The following CDH18 variants were observed in gnomAD, a reference collection of about 807,000 sequenced individuals.
CDH18 encodes the protein cadherin 18.
Under a neutral mutation model 67.9 loss-of-function variants are expected in CDH18, and 31 were observed. The ratio of observed to expected loss-of-function variants is 0.46; its 90% CI spans 0.34 to 0.62. The LOEUF (loss-of-function observed/expected upper bound fraction) is 0.62, where lower values mean the gene tolerates loss of function less well. Among genes scored for constraint, CDH18 ranks in the 20% least tolerant of loss-of-function variants. CDH18 has a pLI of 0.01. For missense variants in CDH18, 890 were observed against 975.5 expected, an observed-to-expected ratio of 0.91 and a Z score of 1.17; for synonymous variants, 362 against 347.2, an observed-to-expected ratio of 1.04 and a Z score of -0.48.
intron 1 of CDH18, among the ~76,000 whole-genome samples, chr5:20,473,384 G>A (rs1752222823): frequency 6.6e-6 from 1 of 151,902 alleles, no homozygotes; most frequent in South Asian, 2.1e-4. Context: ...TTTGTGACAG[G>A]ACTTTTATAC....
At chr5:19,825,941 A>G (rs1369545617) in intron 3 of CDH18, among the ~76,000 whole-genome samples, 1 of 152,202 alleles carries the variant, frequency 6.6e-6, no homozygotes, top group Non-Finnish European at 1.5e-5. Context: ...AAGATCATCA[A>G]TGTTCAGGAG....
At chr5:19,624,466 G>T (rs1478368169) in intron 5 of CDH18, among the ~76,000 whole-genome samples, 3 of 152,122 alleles carry the variant, frequency 2.0e-5, no homozygotes, top group African/African-American at 7.2e-5. Flanking sequence ...CAGCACTGAA[G>T]TAAACACATA....
intron 1 of CDH18, among the ~76,000 whole-genome samples, chr5:20,273,029 ATAATCAT>A (rs1392668492): frequency 2.0e-5 from 3 of 152,100 alleles, no homozygotes; most frequent in Non-Finnish European, 2.9e-5. Flanking sequence ...CTATATGCTG[ATAATCAT>A]TTAGGATTGT....
At chr5:20,475,703 T>A (rs935138604) in intron 1 of CDH18, among the ~76,000 whole-genome samples, 19 of 152,224 alleles carry the variant, frequency 1.2e-4, no homozygotes, top group Non-Finnish European at 2.1e-4. Flanking sequence ...ACAATTCTTA[T>A]TGGTTTTCAT....
intron 1 of CDH18, among the ~76,000 whole-genome samples, chr5:20,532,475 ATAT>A (rs574647838): frequency 2.6e-5 from 4 of 151,990 alleles, no homozygotes; most frequent in Non-Finnish European, 5.9e-5. Flanking sequence ...GTGTTTTCCT[ATAT>A]TATACTATTT....
intron 5 of CDH18, among the ~76,000 whole-genome samples, chr5:19,626,088 A>G (rs1751492879): frequency 6.6e-6 from 1 of 152,146 alleles, no homozygotes; most frequent in Non-Finnish European, 1.5e-5. Context: ...TAAAACCCAT[A>G]ACTCCAAAGA....
chr5:19,657,414 C>T (rs1214730139), intron 5 of CDH18, among the ~76,000 whole-genome samples: 2 of 151,922 alleles, frequency 1.3e-5, no homozygotes, highest in South Asian at 2.1e-4. Context: ...GTAGAACCAA[C>T]GACTTCAAAT....
At chr5:20,481,507 A>C (rs1233627531) in intron 1 of CDH18, among the ~76,000 whole-genome samples, 1 of 152,148 alleles carries the variant, frequency 6.6e-6, no homozygotes, top group African/African-American at 2.4e-5. Context: ...ACAGCAACAG[A>C]ATACACATAT....
At chr5:20,349,437 T>C (rs1740981301) in intron 1 of CDH18, among the ~76,000 whole-genome samples, 1 of 152,172 alleles carries the variant, frequency 6.6e-6, no homozygotes, top group Non-Finnish European at 1.5e-5. Flanking sequence ...CGCTGGTTTA[T>C]TTTTGAAATT....
chr5:20,172,602 A>C (rs1417712144), intron 2 of CDH18, among the ~76,000 whole-genome samples: 1 of 151,964 alleles, frequency 6.6e-6, no homozygotes, highest in Non-Finnish European at 1.5e-5. Context: ...TTATCTAAAA[A>C]AAAATATTGA....
intron 2 of CDH18, among the ~76,000 whole-genome samples, chr5:20,251,621 A>C (rs554610230): frequency 6.6e-6 from 1 of 152,320 alleles, no homozygotes; most frequent in South Asian, 2.1e-4. Flanking sequence ...TTTGAGGAGC[A>C]TTGAAGAAAC....
At chr5:20,185,043 T>G (rs1287391603) in intron 2 of CDH18, among the ~76,000 whole-genome samples, 2 of 152,080 alleles carry the variant, frequency 1.3e-5, no homozygotes, top group African/African-American at 4.8e-5. Context: ...TTTGCTATAT[T>G]TCCGTCTCAG....
intron 8 of CDH18, among the ~76,000 whole-genome samples, chr5:19,561,731 A>G (rs1407452815): frequency 6.6e-6 from 1 of 152,124 alleles, no homozygotes; most frequent in Non-Finnish European, 1.5e-5. Context: ...GGCCTAGGGG[A>G]AAAAATCATT....
At position 20,218,410 on chromosome 5, in the gene CDH18, G is replaced by A. The variant is rs1588233; in HGVS notation, c.-518+37034C>T. Reference sequence around the variant, plus strand: ...CATGGAAATTAAACAATATACTCCTGAATGACCAGTGGGTAAATGAAGAGA... The same window carrying A: ...CATGGAAATTAAACAATATACTCCTAAATGACCAGTGGGTAAATGAAGAGA... On this transcript the variant is annotated intron_variant, in intron 2 of 14. Transcript: ENST00000507958. 5.2e-3 allele frequency among the ~76,000 whole-genome samples: 793 copies of A among 152,076 alleles called. 9 individuals are homozygous for A. The highest frequency in any genetic ancestry group is 0.018 in the African/African-American group (755 of 41,506).
intron 8 of CDH18, among the ~76,000 whole-genome samples, chr5:19,568,662 A>C (rs1302463242): frequency 6.6e-6 from 1 of 152,132 alleles, no homozygotes; most frequent in Non-Finnish European, 1.5e-5. Context: ...TCTGCTCTTC[A>C]CTATGTGAAA....
At chr5:20,111,394 C>T (rs200769969) in intron 2 of CDH18, among the ~76,000 whole-genome samples, 1 of 152,076 alleles carries the variant, frequency 6.6e-6, no homozygotes, top group African/African-American at 2.4e-5. Flanking sequence ...AGTTTTCTTT[C>T]CCCAAGAGTA....
At chr5:20,503,303 G>A (rs1158844842) in intron 1 of CDH18, among the ~76,000 whole-genome samples, 2 of 150,516 alleles carry the variant, frequency 1.3e-5, no homozygotes, top group African/African-American at 4.9e-5. Flanking sequence ...TATTATATAA[G>A]CGAAAACTAA....
chr5:20,168,527 T>C (rs1476755059), intron 2 of CDH18, among the ~76,000 whole-genome samples: 3 of 152,106 alleles, frequency 2.0e-5, no homozygotes, highest in African/African-American at 7.2e-5. Flanking sequence ...CAGATATCAC[T>C]GGATGAATTC....
At chr5:19,919,342 G>A (rs1455969876) in intron 2 of CDH18, among the ~76,000 whole-genome samples, 1 of 152,130 alleles carries the variant, frequency 6.6e-6, no homozygotes, top group Non-Finnish European at 1.5e-5. Flanking sequence ...AATGGTTATA[G>A]CAAATTATTG....
Sources: allele counts gnomAD v4.1 joint callset (sites outside exome capture counted in the v4.1 genomes callset), GRCh38; gene constraint gnomAD v4.1.1; transcripts MANE v1.5; gene names NCBI Gene and HGNC (gene_info 2026-07-23, HGNC 2026-07-21).